Variants in LRP1B observed in about 807,000 individuals in gnomAD.
LRP1B encodes LDL receptor related protein 1B, also known as low-density lipoprotein receptor-related protein 1B.
LRP1B carries 217 observed loss-of-function variants against 556.6 expected under a neutral mutation model. The ratio of observed to expected loss-of-function variants is 0.39; its 90% CI spans 0.35 to 0.44. The LOEUF is 0.44. LRP1B is among the 20% of genes least tolerant of loss of function. The pLI is 1.00. For synonymous variants in LRP1B, 2,047 were observed against 1,865.8 expected, an observed-to-expected ratio of 1.10 and a Z score of -2.50; for missense variants, 5,053 against 5,620.8, an observed-to-expected ratio of 0.90 and a Z score of 3.23.
intron 7 of LRP1B, among the ~76,000 whole-genome samples, chr2:141,150,869 TTGTGTGTG>T (rs56107003): frequency 0.013 from 1,760 of 138,700 alleles, 23 homozygotes; most frequent in African/African-American, 0.039. Flanking sequence ...TCATGCTGGT[TTGTGTGTG>T]TGTGTGTGTG....
intron 1 of LRP1B, among the ~76,000 whole-genome samples, chr2:141,920,945 A>T (rs1700169416): frequency 6.6e-6 from 1 of 152,010 alleles, no homozygotes; most frequent in Admixed American, 6.6e-5. Context: ...GAATGTAAGA[A>T]TTGAGAAAAT....
intron 41 of LRP1B, among the ~76,000 whole-genome samples, chr2:140,648,467 C>T (rs1437792620): frequency 1.3e-5 from 2 of 151,408 alleles, no homozygotes; most frequent in Non-Finnish European, 2.9e-5. Flanking sequence ...TTCTAAGTGT[C>T]GTTAATGAAA....
intron 21 of LRP1B, among the ~76,000 whole-genome samples, chr2:140,915,708 C>T (rs186101203): frequency 1.6e-4 from 23 of 147,236 alleles, no homozygotes; most frequent in African/African-American, 5.9e-4. Context: ...AAAAAGGGCC[C>T]TCCTGGACAA....
intron 66 of LRP1B, among the ~76,000 whole-genome samples, chr2:140,416,287 T>C (rs1685198534): frequency 6.6e-6 from 1 of 152,128 alleles, no homozygotes; most frequent in East Asian, 1.9e-4. Flanking sequence ...AGGATGATAC[T>C]AGAGCTGATG....
intron 59 of LRP1B, among the ~76,000 whole-genome samples, chr2:140,478,847 G>A (rs896201191): frequency 2.6e-5 from 4 of 151,954 alleles, no homozygotes; most frequent in African/African-American, 7.3e-5. Flanking sequence ...TAAGTATGTA[G>A]CAAGTGTTCA....
In LRP1B at chr2:141,005,336, T is replaced by C. The variant is rs1167551841; in HGVS notation, c.2502A>G (p.Thr834=). 1.9e-6 allele frequency: 3 copies of C among 1,609,792 alleles called. No individual in the cohort carries two copies. Among genetic ancestry groups the C allele is most frequent in the East Asian group, 4.5e-5 (2 of 44,578 alleles). ...AAGGGTAACTTGAAAAGAACTTACA[T>C]GTGCAAGTTGTCCCATTTTCATCCA... ...QLLDENGTTC[T]FNPGEALPHI... Residue 834 remains threonine (T), a splice_region_variant and synonymous_variant, in exon 15 of 91, where the codon ACA becomes ACG. Transcript: ENST00000389484.
chr2:140,439,363 G>T (rs1032363368), intron 66 of LRP1B, among the ~76,000 whole-genome samples: 7 of 152,122 alleles, frequency 4.6e-5, no homozygotes, highest in Non-Finnish European at 7.4e-5. Context: ...TTAAAAGCTT[G>T]TTTTTCCCTT....
At chr2:140,957,003 C>T (rs556559158) in intron 18 of LRP1B, among the ~76,000 whole-genome samples, 1 of 151,552 alleles carries the variant, frequency 6.6e-6, no homozygotes, top group South Asian at 2.1e-4. Flanking sequence ...TGAAAGAGTG[C>T]TAGGCACTAG....
intron 2 of LRP1B, among the ~76,000 whole-genome samples, chr2:141,766,377 C>T (rs1342208791): frequency 1.3e-5 from 2 of 152,278 alleles, no homozygotes; most frequent in East Asian, 1.9e-4. Context: ...TGCTCTGTAA[C>T]AGACGCTACC....
intron 2 of LRP1B, among the ~76,000 whole-genome samples, chr2:141,803,767 A>G (rs966646257): frequency 6.6e-6 from 1 of 152,048 alleles, no homozygotes; most frequent in African/African-American, 2.4e-5. Context: ...ATAACCTCCC[A>G]CCTGAATTCT....
chr2:141,960,847 A>G (rs1166864511), intron 1 of LRP1B, among the ~76,000 whole-genome samples: 1 of 142,718 alleles, frequency 7.0e-6, no homozygotes, highest in Non-Finnish European at 1.6e-5. Context: ...AGGGCTCAAA[A>G]CCATTCAAAG....
chr2:140,425,054 T>G (rs1685597321), intron 66 of LRP1B, among the ~76,000 whole-genome samples: 1 of 139,964 alleles, frequency 7.1e-6, no homozygotes. Flanking sequence ...TGGAGGGACG[T>G]TTTTTTTTTA....
At chr2:140,511,322 G>A (rs1325956364) in intron 51 of LRP1B, among the ~76,000 whole-genome samples, 1 of 37,094 alleles carries the variant, frequency 2.7e-5, no homozygotes, top group Non-Finnish European at 4.4e-5. Context: ...TTTTTTTTGA[G>A]ACGGAGTCTC....
chr2:141,413,664 C>A (rs1690944072), intron 3 of LRP1B, among the ~76,000 whole-genome samples: 2 of 152,246 alleles, frequency 1.3e-5, no homozygotes, highest in East Asian at 1.9e-4. Context: ...GTAATCCCAG[C>A]ACTTTGGGAG....
At chr2:141,527,574 T>A (rs1006885317) in intron 2 of LRP1B, among the ~76,000 whole-genome samples, 1 of 152,138 alleles carries the variant, frequency 6.6e-6, no homozygotes, top group Non-Finnish European at 1.5e-5. Context: ...TTCAATTTAG[T>A]AATTAAGCAA....
intron 1 of LRP1B, among the ~76,000 whole-genome samples, chr2:141,828,651 T>C (rs1467546640): frequency 1.3e-5 from 2 of 152,118 alleles, no homozygotes; most frequent in African/African-American, 4.8e-5. Context: ...TTTCACAAGA[T>C]GCCTTCAATC....
chr2:140,631,225 T>C (rs1178316091), intron 41 of LRP1B, among the ~76,000 whole-genome samples: 1 of 152,152 alleles, frequency 6.6e-6, no homozygotes, highest in African/African-American at 2.4e-5. Flanking sequence ...TTACCTCAGT[T>C]CATAAACCTG....
chr2:141,258,305 G>A (rs1349594308), intron 3 of LRP1B, among the ~76,000 whole-genome samples: 2 of 152,032 alleles, frequency 1.3e-5, no homozygotes, highest in African/African-American at 2.4e-5. Context: ...CCAACATGGT[G>A]AATCCCCATC....
At chr2:140,863,970 G>A (rs1692873896) in intron 27 of LRP1B, among the ~76,000 whole-genome samples, 1 of 151,662 alleles carries the variant, frequency 6.6e-6, no homozygotes, top group South Asian at 2.1e-4. Flanking sequence ...AGGAATATAT[G>A]TGCATTTAAT....
Sources: gnomAD v4.1 joint callset for allele counts (sites outside exome capture counted in the v4.1 genomes callset) on GRCh38, gnomAD v4.1.1 for gene constraint, MANE v1.5 for transcripts, NCBI Gene and HGNC (gene_info 2026-07-23, HGNC 2026-07-21) for gene names.